ADAMTSL1: variants seen among roughly 807,000 people sequenced by gnomAD.
ADAMTSL1 encodes ADAMTS like 1.
In ADAMTSL1, 126 loss-of-function variants were observed where a neutral mutation model predicts 201.8. The observed-to-expected ratio is 0.62, with a 90% CI of 0.54 to 0.72. The LOEUF (loss-of-function observed/expected upper bound fraction) is 0.72, where lower values mean the gene tolerates loss of function less well. Ranked by LOEUF, ADAMTSL1 falls within the 30% of genes least tolerant of loss-of-function variation. The pLI, the probability that ADAMTSL1 is intolerant of heterozygous loss-of-function variation, is 0.00. For missense variants in ADAMTSL1, 2,679 were observed against 2,277.8 expected, an observed-to-expected ratio of 1.18 and a Z score of -3.59; for synonymous variants, 1,121 against 903.4, an observed-to-expected ratio of 1.24 and a Z score of -4.32.
intron 1 of ADAMTSL1, among the ~76,000 whole-genome samples, chr9:18,144,428 G>T (rs558682310): frequency 6.6e-6 from 1 of 151,954 alleles, no homozygotes; most frequent in African/African-American, 2.4e-5. Flanking sequence ...CTGGTCTCGA[G>T]CTCCTGACCT....
intron 1 of ADAMTSL1, among the ~76,000 whole-genome samples, chr9:18,096,203 T>G (rs575545556): frequency 6.6e-6 from 1 of 152,340 alleles, no homozygotes; most frequent in Non-Finnish European, 1.5e-5. Context: ...TTACTCAGCA[T>G]GTTTTTTCAT....
At chr9:17,986,031 T>C (rs1818914892) in intron 1 of ADAMTSL1, among the ~76,000 whole-genome samples, 1 of 152,128 alleles carries the variant, frequency 6.6e-6, no homozygotes, top group Non-Finnish European at 1.5e-5. Context: ...TTCTTTGATA[T>C]GTGAAGTAAA....
At chr9:18,312,704 C>T (rs184602480) in intron 2 of ADAMTSL1, among the ~76,000 whole-genome samples, 2 of 152,264 alleles carry the variant, frequency 1.3e-5, no homozygotes, top group East Asian at 3.9e-4. Context: ...GAAATCAAAC[C>T]TGTTGATTCC....
intron 3 of ADAMTSL1, among the ~76,000 whole-genome samples, chr9:18,541,164 A>G (rs935094636): frequency 3.3e-5 from 5 of 152,196 alleles, no homozygotes; most frequent in African/African-American, 1.2e-4. Flanking sequence ...AGGCTCTCCT[A>G]TCTTTCAGAG....
chr9:18,863,586 G>T (rs1366098831), intron 23 of ADAMTSL1, among the ~76,000 whole-genome samples: 1 of 152,164 alleles, frequency 6.6e-6, no homozygotes, highest in African/African-American at 2.4e-5. Flanking sequence ...CAGCCTTCTA[G>T]GGTCCAGCTG....
intron 4 of ADAMTSL1, among the ~76,000 whole-genome samples, chr9:18,601,171 A>G (rs1413281753): frequency 6.6e-6 from 1 of 152,218 alleles, no homozygotes; most frequent in Admixed American, 6.5e-5. Flanking sequence ...TCCTGGTGAA[A>G]TACATATACT....
rs957824765 is a variant in ADAMTSL1 at position 18,776,789 on chromosome 9, C to T, written c.2560C>T (p.Arg854Trp). Residue 854 changes from arginine to tryptophan, a missense_variant, in exon 19 of 29, where the codon CGG becomes TGG. Transcript: ENST00000380548. ...CMLATCARPG[R>W]PSTKHSPHIA... The stretch of plus-strand genomic sequence containing the variant: ...GTTCGCTCTCCTTCCAGGGCCCGGG[C>T]GGCCATCCACGAAGCACAGCCCGCA... 5.8e-6 allele frequency: 9 copies of T among 1,548,156 alleles called. No individual in the cohort carries two copies. Among genetic ancestry groups the T allele is most frequent in the Non-Finnish European group, 7.8e-6 (9 of 1,147,366 alleles).
At chr9:17,984,562 G>C (rs553515469) in intron 1 of ADAMTSL1, among the ~76,000 whole-genome samples, 1 of 152,086 alleles carries the variant, frequency 6.6e-6, no homozygotes, top group East Asian at 1.9e-4. Context: ...TAAATATTAT[G>C]GTGAGGAACA....
chr9:18,719,396 G>A (rs903941491), intron 14 of ADAMTSL1, among the ~76,000 whole-genome samples: 1 of 152,062 alleles, frequency 6.6e-6, no homozygotes, highest in African/African-American at 2.4e-5. Context: ...CACCCAGGCT[G>A]GAGTACAATG....
chr9:18,360,603 T>G (rs1316714913), intron 2 of ADAMTSL1: 1 of 152,182 alleles, frequency 6.6e-6, no homozygotes. Context: ...GGGAGGCTGT[T>G]ACTGGTTATG....
chr9:18,641,800 T>C (rs1320652879), intron 7 of ADAMTSL1, among the ~76,000 whole-genome samples: 3 of 151,962 alleles, frequency 2.0e-5, no homozygotes, highest in Non-Finnish European at 4.4e-5. Flanking sequence ...ATTACTATTA[T>C]TTATCAGTTT....
At chr9:18,144,487 C>A (rs1034759346) in intron 1 of ADAMTSL1, among the ~76,000 whole-genome samples, 2 of 152,006 alleles carry the variant, frequency 1.3e-5, no homozygotes, top group African/African-American at 4.8e-5. Context: ...ATTACAGGCA[C>A]GAGCCACCAC....
intron 5 of ADAMTSL1, among the ~76,000 whole-genome samples, chr9:18,634,240 A>G (rs1711846948): frequency 6.6e-6 from 1 of 152,130 alleles, no homozygotes; most frequent in Non-Finnish European, 1.5e-5. Context: ...TTCCAATGAT[A>G]GGATAATTAT....
intron 2 of ADAMTSL1, among the ~76,000 whole-genome samples, chr9:18,197,630 G>A (rs1829239633): frequency 6.7e-6 from 1 of 148,274 alleles, no homozygotes; most frequent in Non-Finnish European, 1.5e-5. Flanking sequence ...TGCAAACAGG[G>A]ACAATTTGAC....
At chr9:18,446,457 A>G (rs1007256474) in intron 2 of ADAMTSL1, among the ~76,000 whole-genome samples, 1 of 152,262 alleles carries the variant, frequency 6.6e-6, no homozygotes, top group African/African-American at 2.4e-5. Flanking sequence ...TATTGATTTT[A>G]AAATCAATTA....
chr9:18,755,944 AAT>A (rs1031930266), intron 16 of ADAMTSL1, among the ~76,000 whole-genome samples: 2 of 151,594 alleles, frequency 1.3e-5, no homozygotes, highest in Non-Finnish European at 2.9e-5. Flanking sequence ...AATTGTGAAA[AAT>A]AGTCAAACAT....
rs184470617 is a variant in ADAMTSL1 at position 18,220,459 on chromosome 9, G to A, written c.207+56478G>A. On this transcript the variant is annotated intron_variant, in intron 2 of 29. Coordinates refer to the ADAMTSL1 transcript ENST00000680146. ...TATACAAACTTTTTATTGTCATTTT[G>A]TCTGTTTTTTAAAATTTTTCAATAC... Among the ~76,000 whole-genome samples, 13 of 151,962 alleles carry A rather than the reference G, an allele frequency of 8.6e-5. No individual in the cohort carries two copies. The East Asian group carries it at 1.7e-3, about 20-fold the overall frequency.
intron 2 of ADAMTSL1, among the ~76,000 whole-genome samples, chr9:18,525,613 A>G (rs910244658): frequency 6.6e-6 from 1 of 152,288 alleles, no homozygotes; most frequent in African/African-American, 2.4e-5. Flanking sequence ...ACACTGCTTT[A>G]AATGTGTCCC....
chr9:18,425,496 G>T (rs868369993), intron 2 of ADAMTSL1, among the ~76,000 whole-genome samples: 8 of 152,112 alleles, frequency 5.3e-5, no homozygotes, highest in Admixed American at 1.3e-4. Flanking sequence ...CACTTCAAAT[G>T]TCCGAAACTC....
Sources: gnomAD v4.1 joint callset for allele counts (sites outside exome capture counted in the v4.1 genomes callset) on GRCh38, gnomAD v4.1.1 for gene constraint, MANE v1.5 for transcripts, NCBI Gene and HGNC (gene_info 2026-07-23, HGNC 2026-07-21) for gene names.